INSL5: variants seen among roughly 807,000 people sequenced by gnomAD.
INSL5 encodes insulin-like peptide INSL5.
Under a neutral mutation model 4.3 loss-of-function variants are expected in INSL5, and 3 were observed. That is an observed-to-expected ratio of 0.70 (90% CI 0.32 to 1.82). The LOEUF (loss-of-function observed/expected upper bound fraction) is 1.82, where lower values mean the gene tolerates loss of function less well. INSL5 is among the 40% of genes most tolerant of loss of function. The pLI is 0.08. For synonymous variants in INSL5, 68 were observed against 56.6 expected, an observed-to-expected ratio of 1.20 and a Z score of -0.90; for missense variants, 168 against 160.9, an observed-to-expected ratio of 1.04 and a Z score of -0.24.
chr1:66,799,157 C>T (rs1241354327), intron 1 of INSL5, among the ~76,000 whole-genome samples: 1 of 152,138 alleles, frequency 6.6e-6, no homozygotes, highest in African/African-American at 2.4e-5. Context: ...CATTAGCCCA[C>T]CCAAAGATGA....
chr1:66,799,427 C>T (rs946045441), intron 1 of INSL5, among the ~76,000 whole-genome samples: 10 of 151,790 alleles, frequency 6.6e-5, no homozygotes, highest in Admixed American at 4.6e-4. Flanking sequence ...TAGCGGAGAA[C>T]GATGGTTATC....
At chr1:66,799,683 T>A (rs754364864) in intron 1 of INSL5, among the ~76,000 whole-genome samples, 20 of 152,190 alleles carry the variant, frequency 1.3e-4, no homozygotes, top group African/African-American at 4.8e-5. Flanking sequence ...ATTGTATGTA[T>A]ACCTATTTCA....
chr1:66,800,125 A>G (rs1645365506), intron 1 of INSL5, among the ~76,000 whole-genome samples: 1 of 152,194 alleles, frequency 6.6e-6, no homozygotes. Flanking sequence ...GAATTAACAG[A>G]AAGAATTTCA....
Position 66,798,120 on chromosome 1 carries a change from C to T in INSL5, c.301G>A (p.Glu101Lys). 1 of 1,614,130 alleles carries T rather than the reference C, an allele frequency of 6.2e-7. No individual in the cohort carries two copies. The highest frequency in any genetic ancestry group is 8.5e-7 in the Non-Finnish European group (1 of 1,179,984). Residue 101 changes from glutamate to lysine, a missense_variant, in exon 2 of 2, where the codon GAA (glutamate) becomes AAA (lysine). Coordinates refer to ENST00000304526, the MANE Select transcript of INSL5 (RefSeq NM_005478.6). ...DRLWGGQMPT[E>K]ELWKSKKHSV... ...TGCTTCTTTGACTTCCAAAGCTCTT[C>T]AGTGGGCATCTGTCCACCCCAAAGA... is the stretch of plus-strand genomic sequence containing the variant.
Position 66,801,077 on chromosome 1 carries a change from G to A in INSL5, c.145C>T (p.His49Tyr), listed in dbSNP as rs1486101846. ...YICASSRWRR[H>Y]QEGIPQAQQA... ...TGAGCTTGAGGGATCCCCTCCTGAT[G>A]CCTTCTCCACCTGGAGCTAGCACAG... Residue 49 changes from histidine to tyrosine, a missense_variant, in exon 1 of 2, where the codon CAT (histidine) becomes TAT (tyrosine). Transcript: ENST00000304526. 6.2e-7 allele frequency: 1 copy of A among 1,613,360 alleles called. No individual in the cohort carries two copies.
At chr1:66,800,912 C>A in intron 1 of INSL5, 135 bp downstream of exon 1, 1 of 589,116 alleles carries the variant, frequency 1.7e-6, no homozygotes, top group Non-Finnish European at 2.8e-6. Flanking sequence ...GATAATTAAT[C>A]CCTTAAATTG....
intron 1 of INSL5, among the ~76,000 whole-genome samples, chr1:66,800,117 A>G (rs934216529): frequency 1.3e-5 from 2 of 152,208 alleles, no homozygotes; most frequent in East Asian, 1.9e-4. Context: ...TTAATATGGA[A>G]TTAACAGAAA....
chr1:66,799,879 C>T (rs963039922), intron 1 of INSL5, among the ~76,000 whole-genome samples: 9 of 152,052 alleles, frequency 5.9e-5, no homozygotes, highest in African/African-American at 2.2e-4. Context: ...CAAGACCCCA[C>T]CTCTACAAAA....
Position 66,797,904 on chromosome 1 carries a change from C to A in INSL5, c.*109G>T, listed in dbSNP as rs1474850264. The A allele has an allele frequency of 3.7e-6, 3 of 801,558 alleles. No homozygotes were observed. The East Asian group carries it at 8.0e-5, about 21-fold the overall frequency. 49.7% of individuals were successfully genotyped at this position (801,558 alleles called of 1,614,324 possible). On this transcript the variant is annotated 3_prime_UTR_variant, in exon 2 of 2. Coordinates refer to ENST00000304526, the MANE Select transcript of INSL5 (RefSeq NM_005478.6). ...CTTTTAGAAAAGAAGTTTTGCCTAC[C>A]CAAAAGCCATCATTTTAATAACACA...
At chr1:66,800,794 A>G (rs1645370349) in intron 1 of INSL5, among the ~76,000 whole-genome samples, 1 of 152,188 alleles carries the variant, frequency 6.6e-6, no homozygotes, top group African/African-American at 2.4e-5. Flanking sequence ...AGCCCATTGA[A>G]GTAGTCATGC....
rs776499549 is a variant in INSL5 at position 66,798,069 on chromosome 1, G to A, written c.352C>T (p.Gln118Ter). Residue 118 changes from glutamine to a stop codon, truncating the protein, a stop_gained, in exon 2 of 2, where the codon CAA becomes TAA. Coordinates refer to ENST00000304526, the MANE Select transcript of INSL5 (RefSeq NM_005478.6). LOFTEE classifies it low-confidence loss of function (END_TRUNC). Reference sequence around the variant, plus strand: ...CAGCCATCAGTGCAACACAAAGTTTGTAAATCTTGTCTTGACATCACTGAA... The same window carrying A: ...CAGCCATCAGTGCAACACAAAGTTTATAAATCTTGTCTTGACATCACTGAA... ...KHSVMSRQDL[Q>*]TLCCTDGCSM... 5.6e-6 allele frequency: 9 copies of A among 1,614,024 alleles called. No individual in the cohort carries two copies. The African/African-American group carries it at 1.2e-4, about 22-fold the overall frequency.
At position 66,798,042 on chromosome 1, in the gene INSL5, A is replaced by T. The variant is rs1041786510; in HGVS notation, c.379T>A (p.Ser127Thr). The T allele has an allele frequency of 1.2e-6, 2 of 1,613,816 alleles. No homozygotes were observed. Among genetic ancestry groups the T allele is most frequent in the African/African-American group, 2.7e-5 (2 of 74,932 alleles). ...LQTLCCTDGC[S>T]MTDLSALC Reference sequence around the variant, plus strand: ...CAAAGAGCACTCAAATCAGTCATGGAACAGCCATCAGTGCAACACAAAGTT... The same window carrying T: ...CAAAGAGCACTCAAATCAGTCATGGTACAGCCATCAGTGCAACACAAAGTT... The change falls in exon 2 of 2, where the codon TCC (serine) becomes ACC (threonine). Residue 127 changes from serine to threonine, a missense_variant. By Grantham distance (58) the Ser-to-Thr change is moderately conservative. Coordinates refer to ENST00000304526, the MANE Select transcript of INSL5 (RefSeq NM_005478.6).
chr1:66,799,610 A>G (rs979999876), intron 1 of INSL5, among the ~76,000 whole-genome samples: 3 of 152,256 alleles, frequency 2.0e-5, no homozygotes, highest in African/African-American at 7.2e-5. Context: ...CCTCATCACA[A>G]AAACATAAGT....
chr1:66,798,285 T>C (rs750769137), intron 1 of INSL5, 40 bp from the exon 2 acceptor site: 1 of 1,453,036 alleles, frequency 6.9e-7, no homozygotes, highest in East Asian at 2.3e-5. Context: ...CTTAGACAGC[T>C]CCTACAAAGA....
chr1:66,801,088 C>T lies in INSL5; in HGVS notation c.134G>A (p.Arg45Lys). 1 of 1,613,772 alleles carries T rather than the reference C, an allele frequency of 6.2e-7. No individual in the cohort carries two copies. Among genetic ancestry groups the T allele is most frequent in the Non-Finnish European group, 8.5e-7 (1 of 1,179,706 alleles). Reference protein sequence around the residue: ...RTVIYICASSRWRRHQEGIPQ... With the variant: ...RTVIYICASSKWRRHQEGIPQ... ...GATCCCCTCCTGATGCCTTCTCCAC[C>T]TGGAGCTAGCACAGATATAGATGAC... The change falls in exon 1 of 2, where the codon AGG becomes AAG. Residue 45 changes from arginine to lysine, a missense_variant. Coordinates refer to ENST00000304526, the MANE Select transcript of INSL5 (RefSeq NM_005478.6).
Position 66,799,750 on chromosome 1 carries a change from T to G in INSL5, c.175+1297A>C, listed in dbSNP as rs1043463492. On this transcript the variant is annotated intron_variant, in intron 1 of 1. Transcript: ENST00000304526. ...AATTTTTACCAATTAAAAAAATAAT[T>G]TTTTAAATAGGATTTTCAGCCATGC... 3.9e-5 allele frequency among the ~76,000 whole-genome samples: 6 copies of G among 152,160 alleles called. No individual in the cohort carries two copies. The East Asian group carries it at 1.2e-3, about 29-fold the overall frequency.
In INSL5 at chr1:66,798,208, A is replaced by C. The variant is rs1194185824; in HGVS notation, c.213T>G (p.Arg71=). Residue 71 remains arginine, a synonymous_variant, in exon 2 of 2, where the codon CGT becomes CGG. Coordinates refer to ENST00000304526, the MANE Select transcript of INSL5 (RefSeq NM_005478.6). ...GCGCTGGATTTTCCTCAGAAAACTCACGTTTATGTGGGAGCTGGAAGGAGT... is the reference window on the plus strand; with the variant it reads ...GCGCTGGATTTTCCTCAGAAAACTCCCGTTTATGTGGGAGCTGGAAGGAGT... ...TGNSFQLPHK[R]EFSEENPAQN... 1 of 1,613,966 alleles carries C rather than the reference A, an allele frequency of 6.2e-7. No individual in the cohort carries two copies. The highest frequency in any genetic ancestry group is 1.1e-5 in the South Asian group (1 of 91,084).
At chr1:66,798,926 C>T (rs929266232) in intron 1 of INSL5, among the ~76,000 whole-genome samples, 1 of 152,136 alleles carries the variant, frequency 6.6e-6, no homozygotes, top group African/African-American at 2.4e-5. Flanking sequence ...ACAGAGCTAG[C>T]CTTATAGATA....
At chr1:66,798,350 T>C (rs1645355612) in intron 1 of INSL5, 105 bp from the exon 2 acceptor site, 8 of 775,922 alleles carry the variant, frequency 1.0e-5, no homozygotes, top group Non-Finnish European at 1.7e-5. Context: ...TAAAATGAAA[T>C]AGAATCATAC....
Sources: gnomAD v4.1 joint callset for allele counts (sites outside exome capture counted in the v4.1 genomes callset) on GRCh38, gnomAD v4.1.1 for gene constraint, MANE v1.5 for transcripts, NCBI Gene and HGNC (gene_info 2026-07-23, HGNC 2026-07-21) for gene names.